TENM4: variants seen among roughly 807,000 people sequenced by gnomAD.
The protein encoded by TENM4 is teneurin-4.
In TENM4, 82 loss-of-function variants were observed where a neutral mutation model predicts 243.3. That is an observed-to-expected ratio of 0.34 (90% CI 0.28 to 0.40). TENM4 has a LOEUF of 0.40. Among genes scored for constraint, TENM4 ranks in the 10% least tolerant of loss-of-function variants. The pLI is 1.00. For missense variants in TENM4, 3,138 were observed against 3,673.3 expected, an observed-to-expected ratio of 0.85 and a Z score of 3.77; for synonymous variants, 1,412 against 1,456.3, an observed-to-expected ratio of 0.97 and a Z score of 0.69.
chr11:79,053,462 T>C (rs547189737), intron 6 of TENM4, among the ~76,000 whole-genome samples: 1 of 152,364 alleles, frequency 6.6e-6, no homozygotes, highest in South Asian at 2.1e-4. Context: ...GGCTGAACCC[T>C]TGAGCCAGCA....
chr11:79,211,388 C>A (rs1025921357), intron 3 of TENM4, among the ~76,000 whole-genome samples: 5 of 152,180 alleles, frequency 3.3e-5, no homozygotes, highest in Admixed American at 1.3e-4. Flanking sequence ...GAGTATCTCA[C>A]CTTTTATACC....
At chr11:79,286,258 C>T (rs191974660) in intron 2 of TENM4, among the ~76,000 whole-genome samples, 373 of 152,286 alleles carry the variant, frequency 2.4e-3, no homozygotes, top group African/African-American at 8.7e-3. Flanking sequence ...TGAGCACTCG[C>T]TCTGGAGTCC....
intron 2 of TENM4, among the ~76,000 whole-genome samples, chr11:79,236,365 G>T (rs1447549085): frequency 6.6e-6 from 1 of 152,114 alleles, no homozygotes; most frequent in Non-Finnish European, 1.5e-5. Context: ...TAAGGATCAC[G>T]CACAGCTATT....
intron 16 of TENM4, among the ~76,000 whole-genome samples, chr11:78,784,101 T>C (rs1856889338): frequency 6.6e-6 from 1 of 152,224 alleles, no homozygotes; most frequent in African/African-American, 2.4e-5. Flanking sequence ...AAATAACTAT[T>C]GCAGCTAGGA....
chr11:79,312,386 G>A (rs1164785502), intron 1 of TENM4, among the ~76,000 whole-genome samples: 1 of 152,210 alleles, frequency 6.6e-6, no homozygotes, highest in African/African-American at 2.4e-5. Flanking sequence ...TGCTTACTAT[G>A]TACCAGGCAT....
chr11:79,043,051 G>A (rs1480017938), intron 6 of TENM4, among the ~76,000 whole-genome samples: 1 of 152,128 alleles, frequency 6.6e-6, no homozygotes, highest in Non-Finnish European at 1.5e-5. Context: ...GACATTTCCT[G>A]GCTAGACTGC....
intron 6 of TENM4, among the ~76,000 whole-genome samples, chr11:78,956,615 C>CA (rs1857211415): frequency 6.6e-6 from 1 of 152,230 alleles, no homozygotes; most frequent in African/African-American, 2.4e-5. Flanking sequence ...GTTATCTCTA[C>CA]AACCATGAGT....
At chr11:79,265,003 AG>A (rs1274315405) in intron 2 of TENM4, among the ~76,000 whole-genome samples, 7 of 152,206 alleles carry the variant, frequency 4.6e-5, no homozygotes, top group Non-Finnish European at 1.0e-4. Context: ...GTGGGGCCAA[AG>A]GTGTTCAGCT....
intron 1 of TENM4, among the ~76,000 whole-genome samples, chr11:79,409,853 C>T (rs1858661628): frequency 6.6e-6 from 1 of 152,160 alleles, no homozygotes; most frequent in African/African-American, 2.4e-5. Flanking sequence ...AACAATAGTC[C>T]AGCAAATGTG....
intron 4 of TENM4, among the ~76,000 whole-genome samples, chr11:79,124,897 G>A (rs1421460891): frequency 7.2e-6 from 1 of 138,220 alleles, no homozygotes; most frequent in Non-Finnish European, 1.6e-5. Flanking sequence ...ATGTATATGT[G>A]TGTGTGTGTG....
chr11:79,129,518 C>T (rs961341781), intron 4 of TENM4, among the ~76,000 whole-genome samples: 3 of 152,134 alleles, frequency 2.0e-5, no homozygotes, highest in Non-Finnish European at 2.9e-5. Context: ...GAAACAGACT[C>T]GGTGCTGTTT....
At chr11:79,074,743 G>T (rs1860495439) in intron 4 of TENM4, among the ~76,000 whole-genome samples, 1 of 152,188 alleles carries the variant, frequency 6.6e-6, no homozygotes. Context: ...GTCACATTAG[G>T]TGAGAGGCCA....
At chr11:78,957,661 G>A (rs901749482) in intron 6 of TENM4, among the ~76,000 whole-genome samples, 1 of 152,218 alleles carries the variant, frequency 6.6e-6, no homozygotes, top group African/African-American at 2.4e-5. Flanking sequence ...CAACAGTGAT[G>A]CTGACCAGTG....
intron 6 of TENM4, among the ~76,000 whole-genome samples, chr11:78,945,915 G>T (rs541085473): frequency 7.9e-5 from 12 of 152,278 alleles, no homozygotes; most frequent in African/African-American, 2.9e-4. Context: ...TCTAAGAAAA[G>T]TTTCAAGCAA....
At chr11:79,415,555 G>C (rs565516704) in intron 1 of TENM4, among the ~76,000 whole-genome samples, 1 of 152,280 alleles carries the variant, frequency 6.6e-6, no homozygotes, top group South Asian at 2.1e-4. Context: ...ATATGGAAAA[G>C]CTGCAGCTCA....
At chr11:78,732,268 C>A (rs1233793466) in intron 21 of TENM4, 48 bp downstream of exon 21, 2 of 1,545,486 alleles carry the variant, frequency 1.3e-6, no homozygotes, top group Admixed American at 2.0e-5. Context: ...CCTCCACCCC[C>A]AAAATGAAAT....
At chr11:79,229,721 G>T (rs772762418) in intron 2 of TENM4, among the ~76,000 whole-genome samples, 4 of 152,140 alleles carry the variant, frequency 2.6e-5, no homozygotes, top group Non-Finnish European at 4.4e-5. Flanking sequence ...CATGACATTG[G>T]TCTGTTTTGT....
chr11:78,988,956 C>T (rs1046711251), intron 6 of TENM4, among the ~76,000 whole-genome samples: 1 of 152,214 alleles, frequency 6.6e-6, no homozygotes, highest in African/African-American at 2.4e-5. Flanking sequence ...GGATTGCTGG[C>T]TTGAGCCACT....
intron 6 of TENM4, among the ~76,000 whole-genome samples, chr11:78,964,036 C>CT (rs1002218964): frequency 0.09 from 9,876 of 109,322 alleles, 646 homozygotes; most frequent in African/African-American, 0.11. Flanking sequence ...CACACCCAGA[C>CT]TTTTTTTTTT....
Sources: allele counts gnomAD v4.1 joint callset (sites outside exome capture counted in the v4.1 genomes callset), GRCh38; gene constraint gnomAD v4.1.1; transcripts MANE v1.5; gene names NCBI Gene and HGNC (gene_info 2026-07-23, HGNC 2026-07-21).